THTPA: variants seen among roughly 807,000 people sequenced by gnomAD.
THTPA encodes thiamine triphosphatase.
Under a neutral mutation model 16.5 loss-of-function variants are expected in THTPA, and 16 were observed. That is an observed-to-expected ratio of 0.97 (90% confidence interval 0.66 to 1.47). THTPA has a LOEUF of 1.47. THTPA is among the 40% of genes most tolerant of loss of function. The pLI, the probability that THTPA is intolerant of heterozygous loss-of-function variation, is 0.00. For synonymous variants in THTPA, 110 were observed against 115.5 expected (o/e 0.95, Z 0.30); for missense variants, 281 against 280.9 (o/e 1.00, Z 0.00).
At chr14:23,521,762 G>C in the THTPA span, 1 of 902,136 alleles carries the variant, frequency 1.1e-6, no homozygotes, top group Non-Finnish European at 1.6e-6. Flanking sequence ...ATCAATGTGT[G>C]TGTCTGTGGG....
the THTPA span, among the ~76,000 whole-genome samples, chr14:23,541,727 G>C: frequency 6.6e-6 from 1 of 152,148 alleles, no homozygotes; most frequent in Non-Finnish European, 1.5e-5. Context: ...GCTAATAAGT[G>C]GATCAAAACT....
the THTPA span, chr14:23,532,856 G>T: frequency 1.3e-6 from 2 of 1,536,186 alleles, no homozygotes; most frequent in Non-Finnish European, 1.7e-6. Context: ...GCAGCGGTGG[G>T]TGTCACCAGC....
chr14:23,522,162 G>A, the THTPA span: 69 of 1,505,188 alleles, frequency 4.6e-5, no homozygotes, highest in African/African-American at 1.8e-4. Context: ...AGGGCTTCAC[G>A]CCCACTCAGC....
chr14:23,536,407 A>G, the THTPA span, among the ~76,000 whole-genome samples: 3 of 152,138 alleles, frequency 2.0e-5, no homozygotes, highest in Non-Finnish European at 4.4e-5. Context: ...TGCAGGCACC[A>G]TGCTTCTCTC....
the THTPA span, chr14:23,521,181 G>A: frequency 6.6e-6 from 1 of 152,458 alleles, no homozygotes; most frequent in African/African-American, 2.4e-5. Flanking sequence ...GGTAGGGATT[G>A]GCAGAGGGGT....
chr14:23,529,913 G>T, the THTPA span: 1 of 984,470 alleles, frequency 1.0e-6, no homozygotes, highest in South Asian at 1.5e-5. Context: ...GGCTGACTCC[G>T]GGTCAGTAGG....
the THTPA span, chr14:23,528,489 T>G: frequency 1.5e-6 from 1 of 648,934 alleles, no homozygotes; most frequent in Non-Finnish European, 1.9e-6. Context: ...TGGATTTAGT[T>G]TTCTTCTCTT....
At chr14:23,527,925 T>A in the THTPA span, 3 of 749,310 alleles carry the variant, frequency 4.0e-6, no homozygotes, top group Non-Finnish European at 6.1e-6. Context: ...TTTTTTTTTT[T>A]AGATGGAGTC....
At chr14:23,554,234 A>G (rs1315871631), upstream of THTPA, among the ~76,000 whole-genome samples, 1 of 152,120 alleles carries the variant, frequency 6.6e-6, no homozygotes, top group Non-Finnish European at 1.5e-5. Context: ...TTAGGTCTTC[A>G]TCCCAGGTTA....
At chr14:23,553,167 T>C (rs1417745984), upstream of THTPA, among the ~76,000 whole-genome samples, 1 of 152,198 alleles carries the variant, frequency 6.6e-6, no homozygotes, top group African/African-American at 2.4e-5. Flanking sequence ...AGCCTACTTC[T>C]CTTAAACAAC....
chr14:23,534,387 G>A, the THTPA span: 1 of 1,536,848 alleles, frequency 6.5e-7, no homozygotes, highest in South Asian at 1.2e-5. This position sits in a 1 kb window ranked among gnomAD's most constrained non-coding sequence, Gnocchi z 4.5. Flanking sequence ...TCGCCTCCAT[G>A]TTCACTGTGC....
At chr14:23,518,423 T>C in the THTPA span, among the ~76,000 whole-genome samples, 2 of 152,108 alleles carry the variant, frequency 1.3e-5, no homozygotes. This position sits in a 1 kb window ranked among gnomAD's most constrained non-coding sequence, Gnocchi z 4.5. Context: ...GCTGGAAGGG[T>C]GGGATAGAAA....
At chr14:23,544,603 T>C in the THTPA span, among the ~76,000 whole-genome samples, 4 of 152,160 alleles carry the variant, frequency 2.6e-5, no homozygotes, top group South Asian at 8.3e-4. Flanking sequence ...GGTATCCTGT[T>C]CAGTGTGTTG....
chr14:23,526,072 G>T, the THTPA span: 10 of 1,536,532 alleles, frequency 6.5e-6, no homozygotes, highest in East Asian at 1.5e-4. Context: ...CTTCTTGGCT[G>T]CGTTCTGGCC....
the THTPA span, chr14:23,532,753 G>T: frequency 3.3e-6 from 5 of 1,536,240 alleles, no homozygotes; most frequent in Non-Finnish European, 4.4e-6. Context: ...CCTCCCGCAG[G>T]TGGGCTGCCA....
In THTPA at chr14:23,558,849, C is replaced by T. The variant is rs368139521; in HGVS notation, c.*9C>T. On this transcript the variant is annotated 3_prime_UTR_variant, in exon 2 of 2. Transcript: ENST00000288014. ...ACCACTGCCTGGGCTAGGGGTGTCA[C>T]TTCCTAGAAGGGGAAGGGAACTCTG... The T allele has an allele frequency of 5.2e-5, 84 of 1,613,632 alleles. No individual in the cohort carries two copies. Among genetic ancestry groups the T allele is most frequent in the Non-Finnish European group, 7.0e-5 (82 of 1,179,844 alleles).
At chr14:23,535,176 G>A in the THTPA span, 1 of 1,533,204 alleles carries the variant, frequency 6.5e-7, no homozygotes, top group South Asian at 1.2e-5. This position sits in a 1 kb window ranked among gnomAD's most constrained non-coding sequence, Gnocchi z 4.5. Flanking sequence ...AGGACCTCAT[G>A]TTCTCAGAGG....
chr14:23,522,594 C>A, the THTPA span: 1 of 1,528,974 alleles, frequency 6.5e-7, no homozygotes, highest in Non-Finnish European at 8.8e-7. Context: ...AGCTGGGGGC[C>A]AAAGACAGCT....
the THTPA span, among the ~76,000 whole-genome samples, chr14:23,520,504 C>A: frequency 6.6e-6 from 1 of 152,156 alleles, no homozygotes; most frequent in Non-Finnish European, 1.5e-5. The surrounding 1 kb of genome is among the most constrained non-coding windows in gnomAD (Gnocchi z 8.7). Context: ...CACTCACCCC[C>A]TTCTTCCTGG....
Sources: allele counts gnomAD v4.1 joint callset (sites outside exome capture counted in the v4.1 genomes callset), GRCh38; gene constraint gnomAD v4.1.1; non-coding constraint Gnocchi (gnomAD v3.1); transcripts MANE v1.5; gene names NCBI Gene and HGNC (gene_info 2026-07-23, HGNC 2026-07-21).